The following HYDIN variants were observed in gnomAD, a reference collection of about 807,000 sequenced individuals.
HYDIN encodes the protein axonemal central pair apparatus protein HYDIN.
HYDIN carries 132 observed loss-of-function variants against 403.9 expected under a neutral mutation model. The ratio of observed to expected loss-of-function variants is 0.33; its 90% CI spans 0.28 to 0.38. The LOEUF (loss-of-function observed/expected upper bound fraction) is 0.38, where lower values mean the gene tolerates loss of function less well. HYDIN is among the 10% of genes least tolerant of loss of function. The pLI is 1.00. For synonymous variants in HYDIN, 1,202 were observed against 1,891.7 expected (o/e 0.64, Z 9.46); for missense variants, 2,827 against 5,009.5 (o/e 0.56, Z 13.15).
intron 74 of HYDIN, 120 bp from the exon 75 acceptor site, chr16:70,850,067 G>A (rs2038518400): frequency 1.6e-6 from 1 of 612,560 alleles, no homozygotes; most frequent in Non-Finnish European, 2.9e-6. Context: ...TGATGTTGGT[G>A]ATTTGACTAT....
chr16:71,137,884 A>T (rs2084994032), intron 7 of HYDIN, among the ~76,000 whole-genome samples: 1 of 151,212 alleles, frequency 6.6e-6, no homozygotes, highest in Non-Finnish European at 1.5e-5. Context: ...CTAAACAGCA[A>T]TTAAAACAAA....
intron 5 of HYDIN, among the ~76,000 whole-genome samples, chr16:71,170,595 T>C (rs73579047): frequency 0.05 from 7,543 of 152,158 alleles, 573 homozygotes; most frequent in African/African-American, 0.17. Context: ...AAACAAACTT[T>C]TTCTTAATTG....
chr16:70,909,704 T>G (rs923045299), intron 47 of HYDIN, among the ~76,000 whole-genome samples: 4 of 142,832 alleles, frequency 2.8e-5, no homozygotes, highest in Non-Finnish European at 6.1e-5. Context: ...TTTTTTTTTT[T>G]TTTTTTTTTG....
intron 84 of HYDIN, among the ~76,000 whole-genome samples, chr16:70,816,225 A>T (rs1160082100): frequency 1.3e-5 from 2 of 152,134 alleles, no homozygotes; most frequent in Non-Finnish European, 2.9e-5. Context: ...ACAAGTCTAA[A>T]CACATTCTAG....
At chr16:70,947,329 T>G (rs2077902163) in intron 41 of HYDIN, among the ~76,000 whole-genome samples, 2 of 151,536 alleles carry the variant, frequency 1.3e-5, no homozygotes, top group Admixed American at 6.6e-5. Context: ...TCTGTTTATA[T>G]GCTGTATTAC....
At chr16:70,928,952 C>T (rs1052549186) in intron 45 of HYDIN, among the ~76,000 whole-genome samples, 19 of 141,562 alleles carry the variant, frequency 1.3e-4, no homozygotes, top group African/African-American at 4.7e-4. Context: ...AGATGCAAGG[C>T]TTTCTTCTTC....
At chr16:71,168,924 A>G (rs1045198522) in intron 5 of HYDIN, among the ~76,000 whole-genome samples, 4 of 152,216 alleles carry the variant, frequency 2.6e-5, no homozygotes, top group Non-Finnish European at 5.9e-5. Context: ...AAATTAGTAC[A>G]GCCATTATGG....
chr16:70,824,596 C>T (rs1258481102), intron 83 of HYDIN, among the ~76,000 whole-genome samples: 7 of 149,304 alleles, frequency 4.7e-5, no homozygotes, highest in African/African-American at 1.2e-4. Flanking sequence ...GGTGTGATCT[C>T]GGCTCACTGC....
In HYDIN at chr16:70,868,780, G is replaced by A. The variant is rs2502690; in HGVS notation, c.11100C>T (p.His3700=). Reference sequence around the variant, plus strand: ...TGTCCTTGGCACACCCAGGGTGGAGGTGGCCCATCTAGGAAAGAGCCTGGT... The same window carrying A: ...TGTCCTTGGCACACCCAGGGTGGAGATGGCCCATCTAGGAAAGAGCCTGGT... ...ATIAFSPQMG[H]LHPGCAKDIV... Residue 3700 remains histidine, a synonymous_variant, in exon 66 of 86, where the codon CAC becomes CAT. Transcript: ENST00000393567. 56 of 1,613,542 alleles carry A rather than the reference G, an allele frequency of 3.5e-5. No homozygotes were observed. In the African/African-American group the frequency reaches 6.7e-4, roughly 19 times the overall value.
rs565087586 is a variant in HYDIN, at chr16:70,830,936, T to A, written c.13900-1106A>T. On this transcript the variant is annotated intron_variant, in intron 80 of 85. Transcript: ENST00000393567. ...AGGCTGCAGATAAAGATTTGGGAGT[T>A]GTCAGTATAGCAATTTCATTGTTGT... 7.2e-5 allele frequency among the ~76,000 whole-genome samples: 11 copies of A among 151,970 alleles called. No homozygotes were observed. In the East Asian group the frequency reaches 1.6e-3, roughly 22 times the overall value.
Position 71,230,577 on chromosome 16 carries a change from G to C in HYDIN, c.-39C>G. 6.5e-7 allele frequency: 1 copy of C among 1,535,502 alleles called. No homozygotes were observed. The highest frequency in any genetic ancestry group is 8.7e-7 in the Non-Finnish European group (1 of 1,146,562). ...GACCTCTGACCTTGGTGCACTCCGG[G>C]TCCCACGTTTATTCTACCTCCATTC... On this transcript the variant is annotated 5_prime_UTR_variant, in exon 1 of 86. Transcript: ENST00000393567.
intron 10 of HYDIN, among the ~76,000 whole-genome samples, chr16:71,107,056 C>G (rs1432798706): frequency 6.9e-6 from 1 of 145,718 alleles, no homozygotes; most frequent in Non-Finnish European, 1.5e-5. Context: ...ATCACAAGGA[C>G]AAAAAACCAA....
In HYDIN at chr16:71,156,928, T is replaced by C. The variant is rs186764271; in HGVS notation, c.717-4145A>G. ...TGTTCTCTGTACATTTTACAGCCCA[T>C]TGCAGCCTCTTTTGTTAGTGTAAAA... On this transcript the variant is annotated intron_variant, in intron 6 of 85. Transcript: ENST00000393567. Among the ~76,000 whole-genome samples the C allele has an allele frequency of 4.5e-3, 678 of 152,162 alleles. 21 individuals are homozygous for C. The highest frequency in any genetic ancestry group is 0.041 in the Admixed American group (622 of 15,278).
At chr16:71,012,466 C>G (rs1370448285) in intron 23 of HYDIN, among the ~76,000 whole-genome samples, 1 of 152,202 alleles carries the variant, frequency 6.6e-6, no homozygotes, top group Non-Finnish European at 1.5e-5. Flanking sequence ...TTACTTCTTT[C>G]TTTGTTCTTA....
At chr16:70,922,911 G>T (rs1234970473) in intron 45 of HYDIN, among the ~76,000 whole-genome samples, 5 of 148,976 alleles carry the variant, frequency 3.4e-5, no homozygotes, top group Admixed American at 1.3e-4. Context: ...GGGACTACAG[G>T]CATGTGCCAC....
chr16:71,067,942 A>T (rs1340158882), intron 14 of HYDIN, among the ~76,000 whole-genome samples: 1 of 152,184 alleles, frequency 6.6e-6, no homozygotes, highest in African/African-American at 2.4e-5. Context: ...CTATTTGAGG[A>T]TAATAGAACA....
rs1294367395 is a variant in HYDIN at position 70,802,714 on chromosome 16, G to A, written c.*4866C>T. 6.6e-6 allele frequency: 1 copy of A among 152,146 alleles called. No individual in the cohort carries two copies. The highest frequency in any genetic ancestry group is 2.4e-5 in the African/African-American group (1 of 41,416). 9.4% of individuals were successfully genotyped at this position (152,146 alleles called of 1,614,324 possible). On this transcript the variant is annotated 3_prime_UTR_variant, in exon 86 of 86. Coordinates refer to ENST00000393567, the MANE Select transcript of HYDIN (RefSeq NM_001270974.2). ...TGTTGTTTTGCTCTCCTAGTTTTGT[G>A]GTAATTTGTTATGCAGCCATAGAAA...
chr16:70,977,740 G>C (rs1315943078), intron 30 of HYDIN, among the ~76,000 whole-genome samples: 1 of 143,638 alleles, frequency 7.0e-6, no homozygotes, highest in Non-Finnish European at 1.5e-5. Context: ...TTGGGATTTT[G>C]TCTTCCTATC....
At chr16:71,077,826 G>C (rs1180663567) in intron 13 of HYDIN, among the ~76,000 whole-genome samples, 12 of 150,322 alleles carry the variant, frequency 8.0e-5, no homozygotes, top group Admixed American at 5.3e-4. Flanking sequence ...TCCTACTGTA[G>C]GTTTTTTCTA....
Sources: allele counts gnomAD v4.1 joint callset (sites outside exome capture counted in the v4.1 genomes callset), GRCh38; gene constraint gnomAD v4.1.1; transcripts MANE v1.5; gene names NCBI Gene and HGNC (gene_info 2026-07-23, HGNC 2026-07-21).